Variants in FGF12 observed in about 807,000 individuals in gnomAD.
FGF12 encodes fibroblast growth factor 12.
Under a neutral mutation model 23.6 loss-of-function variants are expected in FGF12, and 14 were observed. That is an observed-to-expected ratio of 0.59 (90% confidence interval 0.39 to 0.93). The LOEUF is 0.93. Among genes scored for constraint, FGF12 ranks in the 40% least tolerant of loss-of-function variants. FGF12 has a pLI of 0.00. For synonymous variants in FGF12, 62 were observed against 77.3 expected (o/e 0.80, Z 1.04); for missense variants, 175 against 217.8 (o/e 0.80, Z 1.24).
intron 2 of FGF12, among the ~76,000 whole-genome samples, chr3:192,686,711 G>A (rs1577121161): frequency 6.6e-6 from 1 of 151,406 alleles, no homozygotes; most frequent in East Asian, 1.9e-4. Context: ...GGTATATGAG[G>A]GAAAGAGATT....
chr3:192,503,681 C>T (rs2108834796), intron 2 of FGF12, among the ~76,000 whole-genome samples: 1 of 147,162 alleles, frequency 6.8e-6, no homozygotes, highest in South Asian at 2.2e-4. Context: ...TCTCGGCTCA[C>T]TGCAAGCTCT....
chr3:192,218,085 G>A (rs188931493), intron 4 of FGF12, among the ~76,000 whole-genome samples: 8 of 152,136 alleles, frequency 5.3e-5, no homozygotes, highest in East Asian at 3.9e-4. Flanking sequence ...GGCCCACGTC[G>A]GCCTCCCAAA....
chr3:192,622,154 A>G (rs1714999267), intron 2 of FGF12, among the ~76,000 whole-genome samples: 1 of 152,156 alleles, frequency 6.6e-6, no homozygotes. Flanking sequence ...AATCATTTCC[A>G]CAGCATGCCC....
intron 4 of FGF12, among the ~76,000 whole-genome samples, chr3:192,267,332 T>G (rs2108624140): frequency 6.6e-6 from 1 of 152,314 alleles, no homozygotes; most frequent in African/African-American, 2.4e-5. Context: ...AAATACAATG[T>G]GCAAGGTATA....
At chr3:192,613,403 G>A (rs537428112) in intron 2 of FGF12, among the ~76,000 whole-genome samples, 3 of 151,940 alleles carry the variant, frequency 2.0e-5, no homozygotes, top group South Asian at 4.1e-4. Context: ...GGAACAGTAC[G>A]ATGAGAAAGT....
At chr3:192,477,942 G>A (rs1723372943) in intron 2 of FGF12, among the ~76,000 whole-genome samples, 1 of 152,142 alleles carries the variant, frequency 6.6e-6, no homozygotes, top group African/African-American at 2.4e-5. Flanking sequence ...TTTCAATTCT[G>A]GAGATAATTG....
In FGF12 at chr3:192,141,694, TTC is replaced by T. The variant is rs1223784641; in HGVS notation, c.*2313_*2314del. On this transcript the variant is annotated 3_prime_UTR_variant, in exon 6 of 6. Coordinates refer to ENST00000445105, the MANE Select transcript of FGF12 (RefSeq NM_004113.6). ...GTTAGTGATTCATATCTCTATTTTTTTCATAACAAACTTAATTAAATATATTT... is the reference window on the plus strand; with the variant it reads ...GTTAGTGATTCATATCTCTATTTTTTATAACAAACTTAATTAAATATATTT... 2.0e-5 allele frequency: 3 copies of T among 152,080 alleles called. No homozygotes were observed. Among genetic ancestry groups the T allele is most frequent in the African/African-American group, 7.2e-5 (3 of 41,454 alleles). 9.4% of individuals were successfully genotyped at this position (152,080 alleles called of 1,614,324 possible).
At chr3:192,648,115 A>C (rs1446886193) in intron 2 of FGF12, among the ~76,000 whole-genome samples, 2 of 152,062 alleles carry the variant, frequency 1.3e-5, no homozygotes, top group Non-Finnish European at 2.9e-5. Context: ...TATCAATTCA[A>C]ATCTTCTGAC....
intron 2 of FGF12, among the ~76,000 whole-genome samples, chr3:192,381,180 T>C (rs565156534): frequency 1.3e-5 from 2 of 152,270 alleles, no homozygotes; most frequent in South Asian, 4.1e-4. Context: ...CCTAGGTGGT[T>C]GGACATCTTG....
intron 2 of FGF12, among the ~76,000 whole-genome samples, chr3:192,466,145 C>CA (rs1331823555): frequency 2.6e-5 from 4 of 152,182 alleles, no homozygotes; most frequent in African/African-American, 9.7e-5. Context: ...CTGCACTTAA[C>CA]ACCACAGCTG....
intron 2 of FGF12, among the ~76,000 whole-genome samples, chr3:192,612,166 T>C (rs548218422): frequency 8.6e-5 from 13 of 152,034 alleles, no homozygotes; most frequent in Non-Finnish European, 1.6e-4. Flanking sequence ...AGTAGAGAAA[T>C]GGCTCTATTT....
rs562260279 is a variant in FGF12 at position 192,619,622 on chromosome 3, A to AT, written c.13+107558dup. On this transcript the variant is annotated intron_variant, in intron 2 of 5. Transcript: ENST00000445105. ...CCTCTGCATCTTGCTCAGGTATGAGATTTTAGAATCCAAGTAGTAAACCCA... is the reference window on the plus strand; with the variant it reads ...CCTCTGCATCTTGCTCAGGTATGAGATTTTTAGAATCCAAGTAGTAAACCCA... 1.4e-3 allele frequency among the ~76,000 whole-genome samples: 217 copies of AT among 152,230 alleles called. 1 individual carries two copies. Among genetic ancestry groups the AT allele is most frequent in the Non-Finnish European group, 2.6e-3 (180 of 68,006 alleles).
At chr3:192,216,532 AT>A (rs1175714632) in intron 4 of FGF12, among the ~76,000 whole-genome samples, 3 of 152,212 alleles carry the variant, frequency 2.0e-5, no homozygotes, top group South Asian at 4.1e-4. Context: ...TTTATATAAA[AT>A]TTTTTATAAC....
intron 4 of FGF12, among the ~76,000 whole-genome samples, chr3:192,212,011 T>C (rs1338497731): frequency 6.6e-6 from 1 of 152,244 alleles, no homozygotes; most frequent in Non-Finnish European, 1.5e-5. Context: ...TAGCCCATTG[T>C]GCAACTTGAA....
intron 2 of FGF12, among the ~76,000 whole-genome samples, chr3:192,680,730 T>C (rs1474656267): frequency 1.3e-5 from 2 of 152,210 alleles, no homozygotes; most frequent in African/African-American, 4.8e-5. Flanking sequence ...TCTATTAAGT[T>C]TTCTCTGAGG....
chr3:192,580,485 TACC>T (rs1438139339), intron 2 of FGF12, among the ~76,000 whole-genome samples: 1 of 152,224 alleles, frequency 6.6e-6, no homozygotes, highest in East Asian at 1.9e-4. Flanking sequence ...AATATGTAGA[TACC>T]GGGATCCTAA....
intron 2 of FGF12, among the ~76,000 whole-genome samples, chr3:192,372,917 A>G (rs1398672579): frequency 6.6e-6 from 1 of 152,188 alleles, no homozygotes; most frequent in Non-Finnish European, 1.5e-5. Flanking sequence ...CTCTAGGCAC[A>G]TGTGCCCTCT....
chr3:192,370,095 A>C (rs1464899342), intron 2 of FGF12, among the ~76,000 whole-genome samples: 1 of 152,136 alleles, frequency 6.6e-6, no homozygotes, highest in Admixed American at 6.6e-5. Flanking sequence ...AGGGTGAAGG[A>C]AATATGGGGG....
At chr3:192,517,057 T>C (rs1455232994) in intron 2 of FGF12, 1 of 152,230 alleles carries the variant, frequency 6.6e-6, no homozygotes, top group African/African-American at 2.4e-5. Flanking sequence ...GCTATTTCCT[T>C]ACTTTGAGGG....
Sources: gnomAD v4.1 joint callset for allele counts (sites outside exome capture counted in the v4.1 genomes callset) on GRCh38, gnomAD v4.1.1 for gene constraint, MANE v1.5 for transcripts, NCBI Gene and HGNC (gene_info 2026-07-23, HGNC 2026-07-21) for gene names.